Variants in RTN1 observed in about 807,000 individuals in gnomAD.
The protein encoded by RTN1 is reticulon-1.
RTN1 carries 25 observed loss-of-function variants against 65.5 expected under a neutral mutation model. The observed-to-expected ratio is 0.38, with a 90% CI of 0.28 to 0.53. The LOEUF (loss-of-function observed/expected upper bound fraction) is 0.53. Among genes scored for constraint, RTN1 ranks in the 20% least tolerant of loss-of-function variants. RTN1 has a pLI of 0.79. For synonymous variants in RTN1, 471 were observed against 447.6 expected, an observed-to-expected ratio of 1.05 and a Z score of -0.66; for missense variants, 983 against 1,025.4, an observed-to-expected ratio of 0.96 and a Z score of 0.57.
At chr14:59,666,565 G>T (rs1300520594) in intron 3 of RTN1, among the ~76,000 whole-genome samples, 1 of 151,978 alleles carries the variant, frequency 6.6e-6, no homozygotes, top group Non-Finnish European at 1.5e-5. Flanking sequence ...TCAAAAGCTA[G>T]CAGAAGACAA....
chr14:59,644,045 G>T (rs1882838729), intron 3 of RTN1, among the ~76,000 whole-genome samples: 1 of 152,110 alleles, frequency 6.6e-6, no homozygotes, highest in South Asian at 2.1e-4. Context: ...CAACAAATAG[G>T]AAGTACTGAT....
chr14:59,621,678 A>C (rs1240086156), intron 3 of RTN1, among the ~76,000 whole-genome samples: 1 of 152,260 alleles, frequency 6.6e-6, no homozygotes, highest in Non-Finnish European at 1.5e-5. Flanking sequence ...GTTTGAATTA[A>C]TAGCTAAGTG....
intron 3 of RTN1, among the ~76,000 whole-genome samples, chr14:59,706,271 C>T (rs1884293168): frequency 6.6e-6 from 1 of 152,200 alleles, no homozygotes; most frequent in Non-Finnish European, 1.5e-5. Context: ...AGGCTATTGT[C>T]TCTTCTCTGG....
chr14:59,843,909 A>G (rs893390236), intron 1 of RTN1, among the ~76,000 whole-genome samples: 2 of 152,164 alleles, frequency 1.3e-5, no homozygotes, highest in African/African-American at 4.8e-5. Flanking sequence ...CTAGGGGAAA[A>G]AAGAGATTTA....
intron 1 of RTN1, among the ~76,000 whole-genome samples, chr14:59,851,875 A>G (rs2139664168): frequency 6.6e-6 from 1 of 150,454 alleles, no homozygotes; most frequent in South Asian, 2.1e-4. Flanking sequence ...AAAAAAAAAG[A>G]ATAAACCAAT....
At chr14:59,686,776 T>G (rs915376514) in intron 3 of RTN1, among the ~76,000 whole-genome samples, 18 of 152,248 alleles carry the variant, frequency 1.2e-4, no homozygotes, top group Admixed American at 8.5e-4. Flanking sequence ...TGGAGGTAAC[T>G]TGGGGAAAGG....
At chr14:59,827,376 C>CT (rs1378689280) in intron 1 of RTN1, among the ~76,000 whole-genome samples, 1 of 152,140 alleles carries the variant, frequency 6.6e-6, no homozygotes, top group Non-Finnish European at 1.5e-5. Flanking sequence ...CCGCGCCCCG[C>CT]TGTATGTGGT....
intron 3 of RTN1, among the ~76,000 whole-genome samples, chr14:59,654,218 G>C (rs1047243519): frequency 6.6e-6 from 1 of 152,140 alleles, no homozygotes; most frequent in Non-Finnish European, 1.5e-5. Flanking sequence ...CTGAGGTCGG[G>C]AGTTCGAGAA....
chr14:59,845,835 T>C lies in RTN1; in HGVS notation c.241+24555A>G, dbSNP rs148252104. On this transcript the variant is annotated intron_variant, in intron 1 of 8. Coordinates refer to ENST00000267484, the MANE Select transcript of RTN1 (RefSeq NM_021136.3). The stretch of plus-strand genomic sequence containing the variant: ...ACCCCTACCACAATTTTCTGGCATA[T>C]GACATCATTCAAGGCCCAGAAAAAG... Among the ~76,000 whole-genome samples the C allele has an allele frequency of 9.1e-4, 138 of 151,964 alleles. 1 individual carries two copies. The highest frequency in any genetic ancestry group is 3.3e-3 in the African/African-American group (135 of 41,420).
chr14:59,805,216 T>C (rs1886616067), intron 1 of RTN1, among the ~76,000 whole-genome samples: 1 of 152,186 alleles, frequency 6.6e-6, no homozygotes, highest in East Asian at 1.9e-4. Context: ...AAATCCTAGT[T>C]TCTACCTCCT....
intron 2 of RTN1, among the ~76,000 whole-genome samples, chr14:59,731,286 T>C (rs1308276486): frequency 6.6e-6 from 1 of 152,212 alleles, no homozygotes; most frequent in Non-Finnish European, 1.5e-5. Context: ...ATATGAAATG[T>C]CCAGAATAAG....
At chr14:59,630,883 G>A in intron 3 of RTN1, 13 of 983,248 alleles carry the variant, frequency 1.3e-5, no homozygotes, top group Non-Finnish European at 1.6e-5. Flanking sequence ...GCTGACGGTG[G>A]GGGTGAGAGG....
intron 3 of RTN1, among the ~76,000 whole-genome samples, chr14:59,647,589 T>A (rs1009182297): frequency 6.6e-6 from 1 of 152,180 alleles, no homozygotes; most frequent in Non-Finnish European, 1.5e-5. Context: ...ACTGAAATCA[T>A]ACCAAATTCA....
intron 1 of RTN1, among the ~76,000 whole-genome samples, chr14:59,817,739 A>G (rs1175451984): frequency 6.6e-6 from 1 of 152,062 alleles, no homozygotes; most frequent in Admixed American, 6.5e-5. Flanking sequence ...TGCCATGCAT[A>G]ATGTCGAAGT....
intron 3 of RTN1, among the ~76,000 whole-genome samples, chr14:59,684,274 T>C (rs1318670484): frequency 6.6e-6 from 1 of 152,048 alleles, no homozygotes; most frequent in Non-Finnish European, 1.5e-5. Flanking sequence ...ATTTAAAAAC[T>C]TCAGTGCATT....
chr14:59,820,713 A>G (rs1453830036), intron 1 of RTN1, among the ~76,000 whole-genome samples: 2 of 152,156 alleles, frequency 1.3e-5, no homozygotes, highest in Non-Finnish European at 2.9e-5. Flanking sequence ...AGTCCCTCAC[A>G]TGACATATGA....
intron 4 of RTN1, among the ~76,000 whole-genome samples, chr14:59,607,083 A>T (rs1470082564): frequency 6.6e-6 from 1 of 152,250 alleles, no homozygotes; most frequent in African/African-American, 2.4e-5. Flanking sequence ...ACAAAGCAAT[A>T]AGTATTGGAA....
chr14:59,763,687 G>A (rs950777080), intron 1 of RTN1, among the ~76,000 whole-genome samples: 7 of 151,586 alleles, frequency 4.6e-5, no homozygotes, highest in Non-Finnish European at 1.0e-4. Context: ...CACCTCCCAC[G>A]ACGCCCGGCT....
At chr14:59,673,104 C>A (rs1413312184) in intron 3 of RTN1, among the ~76,000 whole-genome samples, 2 of 152,044 alleles carry the variant, frequency 1.3e-5, no homozygotes, top group Non-Finnish European at 2.9e-5. Flanking sequence ...CTAAGAGAGC[C>A]CTTGTATACT....
Sources: allele counts gnomAD v4.1 joint callset (sites outside exome capture counted in the v4.1 genomes callset), GRCh38; gene constraint gnomAD v4.1.1; transcripts MANE v1.5; gene names NCBI Gene and HGNC (gene_info 2026-07-23, HGNC 2026-07-21).